TMEM117: variants seen among roughly 807,000 people sequenced by gnomAD.
TMEM117 encodes the protein transmembrane protein 117.
TMEM117 carries 27 observed loss-of-function variants against 52.4 expected under a neutral mutation model. That is an observed-to-expected ratio of 0.51 (90% CI 0.38 to 0.71). The LOEUF (loss-of-function observed/expected upper bound fraction) is 0.71, where lower values mean the gene tolerates loss of function less well. Among genes scored for constraint, TMEM117 ranks in the 30% least tolerant of loss-of-function variants. The pLI, the probability that TMEM117 is intolerant of heterozygous loss-of-function variation, is 0.00. For synonymous variants in TMEM117, 215 were observed against 206.3 expected (o/e 1.04, Z -0.36); for missense variants, 556 against 630.5 (o/e 0.88, Z 1.26).
chr12:44,224,047 C>T (rs1402107334), intron 5 of TMEM117, among the ~76,000 whole-genome samples: 1 of 152,090 alleles, frequency 6.6e-6, no homozygotes, highest in Admixed American at 6.6e-5. Context: ...CCCACCATGT[C>T]CTAGCCCTTA....
chr12:44,281,116 A>G (rs903369524), intron 5 of TMEM117, among the ~76,000 whole-genome samples: 1 of 152,232 alleles, frequency 6.6e-6, no homozygotes, highest in Non-Finnish European at 1.5e-5. Flanking sequence ...GCTTTAAAAA[A>G]TCTTTCCCCT....
At chr12:44,219,327 T>A (rs1232795531) in intron 5 of TMEM117, among the ~76,000 whole-genome samples, 1 of 152,120 alleles carries the variant, frequency 6.6e-6, no homozygotes, top group African/African-American at 2.4e-5. Flanking sequence ...TATGAAAGAG[T>A]CAATAAAATT....
At chr12:44,375,995 C>T (rs1402249653) in intron 6 of TMEM117, among the ~76,000 whole-genome samples, 2 of 152,278 alleles carry the variant, frequency 1.3e-5, no homozygotes, top group East Asian at 1.9e-4. Flanking sequence ...CACTGTTGAT[C>T]CCTCATGCTA....
At chr12:43,891,434 G>A (rs146740408) in intron 2 of TMEM117, among the ~76,000 whole-genome samples, 1,964 of 135,050 alleles carry the variant, frequency 0.015, 32 homozygotes, top group African/African-American at 0.052. Flanking sequence ...GTGCAGTGGC[G>A]TGATCTCAGC....
intron 2 of TMEM117, among the ~76,000 whole-genome samples, chr12:43,878,396 C>T (rs189435281): frequency 7.6e-4 from 116 of 152,280 alleles, no homozygotes; most frequent in Non-Finnish European, 1.4e-3. Flanking sequence ...GGTCAGCTTA[C>T]ATCCTGGTCT....
chr12:44,201,950 C>G (rs1485456418), intron 4 of TMEM117, among the ~76,000 whole-genome samples: 6 of 151,648 alleles, frequency 4.0e-5, no homozygotes, highest in Non-Finnish European at 8.8e-5. Context: ...GAGAAGATAT[C>G]ATGTGGTATC....
intron 3 of TMEM117, among the ~76,000 whole-genome samples, chr12:43,967,608 C>T (rs570737164): frequency 9.9e-5 from 15 of 152,260 alleles, no homozygotes; most frequent in African/African-American, 3.6e-4. Context: ...TGCCAACAAC[C>T]TCATGAGGGA....
chr12:44,059,636 G>T (rs539988260), intron 3 of TMEM117, among the ~76,000 whole-genome samples: 1 of 152,262 alleles, frequency 6.6e-6, no homozygotes, highest in African/African-American at 2.4e-5. Flanking sequence ...CATTTTGTCA[G>T]CAAATCTCTC....
At chr12:43,937,832 T>C (rs1185510358) in intron 2 of TMEM117, among the ~76,000 whole-genome samples, 1 of 152,188 alleles carries the variant, frequency 6.6e-6, no homozygotes, top group African/African-American at 2.4e-5. Flanking sequence ...CAATCTGGTC[T>C]CTACTGTGCT....
intron 3 of TMEM117, among the ~76,000 whole-genome samples, chr12:43,956,246 A>T (rs1345791836): frequency 6.6e-6 from 1 of 152,162 alleles, no homozygotes; most frequent in African/African-American, 2.4e-5. Flanking sequence ...AGACTTTATG[A>T]TGAAATTGCC....
intron 2 of TMEM117, among the ~76,000 whole-genome samples, chr12:43,942,474 C>T (rs191129909): frequency 5.0e-4 from 76 of 152,122 alleles, no homozygotes; most frequent in African/African-American, 1.6e-3. Flanking sequence ...TTTGTGGGGG[C>T]TAGTATCATT....
intron 2 of TMEM117, among the ~76,000 whole-genome samples, chr12:43,939,284 A>G (rs907349502): frequency 3.9e-5 from 6 of 152,182 alleles, no homozygotes; most frequent in African/African-American, 1.4e-4. Context: ...GCCAAATCAT[A>G]TATAGGTTTT....
chr12:44,283,165 A>T (rs1049398495), intron 5 of TMEM117, among the ~76,000 whole-genome samples: 1 of 152,220 alleles, frequency 6.6e-6, no homozygotes, highest in African/African-American at 2.4e-5. Context: ...CTCATGGAGA[A>T]CCTTTGCTAG....
chr12:44,008,649 T>A (rs1464969147), intron 3 of TMEM117: 1 of 248,732 alleles, frequency 4.0e-6, no homozygotes, highest in East Asian at 1.2e-4. Flanking sequence ...CATGCCTTCC[T>A]TCTTCTGTGG....
intron 5 of TMEM117, among the ~76,000 whole-genome samples, chr12:44,276,435 T>C (rs1426663957): frequency 6.6e-6 from 1 of 152,204 alleles, no homozygotes; most frequent in African/African-American, 2.4e-5. Flanking sequence ...AAGTGAAATC[T>C]AAAAACTTGA....
chr12:44,101,577 T>C (rs1947861729), intron 3 of TMEM117, among the ~76,000 whole-genome samples: 2 of 151,982 alleles, frequency 1.3e-5, no homozygotes, highest in South Asian at 4.1e-4. Context: ...CACATCATAC[T>C]ACATACTGTG....
chr12:44,240,660 TA>T (rs1286915880), intron 5 of TMEM117, among the ~76,000 whole-genome samples: 2 of 152,098 alleles, frequency 1.3e-5, no homozygotes, highest in Non-Finnish European at 2.9e-5. Context: ...TGTATATAAA[TA>T]TGGGAGTATA....
intron 2 of TMEM117, among the ~76,000 whole-genome samples, chr12:43,853,438 G>T (rs1943345676): frequency 6.6e-6 from 1 of 152,078 alleles, no homozygotes; most frequent in Non-Finnish European, 1.5e-5. Context: ...ACCATACCCA[G>T]CTAATTTTTG....
At chr12:44,009,228 G>A in intron 3 of TMEM117, 1 of 275,346 alleles carries the variant, frequency 3.6e-6, no homozygotes, top group South Asian at 3.8e-5. Context: ...ATTTCATTCT[G>A]GTCTGTTTTG....
Sources: gnomAD v4.1 joint callset for allele counts (sites outside exome capture counted in the v4.1 genomes callset) on GRCh38, gnomAD v4.1.1 for gene constraint, MANE v1.5 for transcripts, NCBI Gene and HGNC (gene_info 2026-07-23, HGNC 2026-07-21) for gene names.